Variants in CTNNA3 observed in about 807,000 individuals in gnomAD.
The protein encoded by CTNNA3 is catenin alpha 3, also known as catenin alpha-3.
Under a neutral mutation model 95.7 loss-of-function variants are expected in CTNNA3, and 76 were observed. The ratio of observed to expected loss-of-function variants is 0.79; its 90% CI spans 0.66 to 0.96. CTNNA3 has a LOEUF of 0.96. Among genes scored for constraint, CTNNA3 ranks in the 40% least tolerant of loss-of-function variants. The pLI is 0.00. For missense variants in CTNNA3, 1,191 were observed against 1,089.8 expected (o/e 1.09, Z -1.31); for synonymous variants, 431 against 374.4 (o/e 1.15, Z -1.74).
chr10:67,189,033 C>T (rs184948121), intron 6 of CTNNA3, among the ~76,000 whole-genome samples: 10 of 152,076 alleles, frequency 6.6e-5, no homozygotes, highest in South Asian at 6.2e-4. Flanking sequence ...GGGAGAATTG[C>T]TTGAGCCCAA....
At chr10:66,517,640 C>T (rs1265979898) in intron 11 of CTNNA3, among the ~76,000 whole-genome samples, 2 of 152,106 alleles carry the variant, frequency 1.3e-5, no homozygotes, top group Non-Finnish European at 2.9e-5. Context: ...TAAAAATGGG[C>T]AACCAGCAGT....
chr10:66,641,205 G>C (rs1248230009), intron 9 of CTNNA3, among the ~76,000 whole-genome samples: 1 of 152,072 alleles, frequency 6.6e-6, no homozygotes, highest in Non-Finnish European at 1.5e-5. Flanking sequence ...GTTGAGAAAT[G>C]CTTTTTATGC....
intron 9 of CTNNA3, among the ~76,000 whole-genome samples, chr10:66,651,349 G>A (rs1303971167): frequency 1.3e-5 from 2 of 152,178 alleles, no homozygotes; most frequent in African/African-American, 4.8e-5. Flanking sequence ...CCTCCAGCTA[G>A]ACAAAAAAGT....
intron 3 of CTNNA3, among the ~76,000 whole-genome samples, chr10:67,601,997 A>G (rs1370266555): frequency 6.6e-6 from 1 of 152,212 alleles, no homozygotes; most frequent in African/African-American, 2.4e-5. Context: ...TCTTGTAGTA[A>G]GGCTACATAA....
chr10:67,744,649 A>C (rs1841363955), intron 1 of CTNNA3, among the ~76,000 whole-genome samples: 1 of 151,118 alleles, frequency 6.6e-6, no homozygotes, highest in Non-Finnish European at 1.5e-5. Flanking sequence ...CAAAATTGAC[A>C]AATGGGATCT....
chr10:67,236,168 C>A (rs902594846), intron 5 of CTNNA3, among the ~76,000 whole-genome samples: 3 of 148,820 alleles, frequency 2.0e-5, no homozygotes, highest in Admixed American at 1.3e-4. Context: ...TGGGTATATA[C>A]CCAAAGGACT....
intron 7 of CTNNA3, among the ~76,000 whole-genome samples, chr10:66,858,830 C>T (rs7089043): frequency 0.4 from 59,950 of 151,348 alleles, 12,622 homozygotes; most frequent in Non-Finnish European, 0.47. Context: ...TTTCGAGTAA[C>T]AAACTCCTGG....
intron 15 of CTNNA3, among the ~76,000 whole-genome samples, chr10:66,035,375 T>TC (rs2079538635): frequency 6.6e-6 from 1 of 152,018 alleles, no homozygotes; most frequent in East Asian, 1.9e-4. Flanking sequence ...GCCTAAGAAT[T>TC]TAGAATAACC....
At chr10:66,210,522 A>G (rs2088076414) in intron 13 of CTNNA3, among the ~76,000 whole-genome samples, 1 of 152,096 alleles carries the variant, frequency 6.6e-6, no homozygotes, top group South Asian at 2.1e-4. Flanking sequence ...AGCAAGGCTT[A>G]TTTCATAATT....
At chr10:66,612,327 A>G (rs1844356893) in intron 10 of CTNNA3, among the ~76,000 whole-genome samples, 1 of 152,044 alleles carries the variant, frequency 6.6e-6, no homozygotes, top group Non-Finnish European at 1.5e-5. Flanking sequence ...TTTCAAATCA[A>G]TCTTCCGAAA....
Position 67,071,831 on chromosome 10 carries a change from C to T in CTNNA3, c.1047+108486G>A, listed in dbSNP as rs192103693. ...TCTTTCTATGCTTTGAGTATTTTTT[C>T]AGTTCACTAAACTTGTATTATACTG... On this transcript the variant is annotated intron_variant, in intron 7 of 17. Transcript: ENST00000433211. Among the ~76,000 whole-genome samples, 582 of 152,182 alleles carry T rather than the reference C, an allele frequency of 3.8e-3. 5 individuals carry two copies. Among genetic ancestry groups the T allele is most frequent in the African/African-American group, 0.013 (558 of 41,534 alleles).
chr10:66,878,141 A>AT (rs1844697454), intron 7 of CTNNA3, among the ~76,000 whole-genome samples: 1 of 152,038 alleles, frequency 6.6e-6, no homozygotes, highest in Non-Finnish European at 1.5e-5. Flanking sequence ...TTGTCCCTTC[A>AT]TTTTTTTCCA....
At chr10:66,417,813 C>G (rs2093159217) in intron 11 of CTNNA3, among the ~76,000 whole-genome samples, 1 of 151,618 alleles carries the variant, frequency 6.6e-6, no homozygotes, top group African/African-American at 2.4e-5. Flanking sequence ...AATTTTGAAA[C>G]TAATGAAAAT....
chr10:66,210,379 T>A (rs2088065102), intron 13 of CTNNA3, among the ~76,000 whole-genome samples: 1 of 151,396 alleles, frequency 6.6e-6, no homozygotes, highest in Non-Finnish European at 1.5e-5. Flanking sequence ...TGCACATCAA[T>A]TGAGTCCAGG....
intron 7 of CTNNA3, among the ~76,000 whole-genome samples, chr10:66,793,785 C>T (rs1385523751): frequency 6.6e-6 from 1 of 152,006 alleles, no homozygotes. Flanking sequence ...CTTAAATAGA[C>T]TTATGATATC....
At chr10:66,233,523 T>C (rs551075162) in intron 13 of CTNNA3, among the ~76,000 whole-genome samples, 45 of 152,278 alleles carry the variant, frequency 3.0e-4, no homozygotes, top group African/African-American at 9.1e-4. Flanking sequence ...ATAGGTACTT[T>C]ACAAAATAGA....
intron 1 of CTNNA3, among the ~76,000 whole-genome samples, chr10:67,691,410 C>T (rs1204444886): frequency 4.0e-5 from 6 of 151,032 alleles, no homozygotes; most frequent in East Asian, 2.0e-4. Context: ...AAGTGAGGAG[C>T]GTCTCTGCCT....
rs1168623848 is a variant in CTNNA3, at chr10:67,723,472, G to C, written c.-2+39962C>G. On this transcript the variant is annotated intron_variant, in intron 1 of 17. Coordinates refer to the CTNNA3 transcript ENST00000684154. Reference sequence around the variant, plus strand: ...CATCTAGCTAGTTTTTGTATTTTTAGTAGAGACTTTGGGGTTTCACCACAT... The same window carrying C: ...CATCTAGCTAGTTTTTGTATTTTTACTAGAGACTTTGGGGTTTCACCACAT... Among the ~76,000 whole-genome samples the C allele has an allele frequency of 2.0e-5, 3 of 151,892 alleles. No individual in the cohort carries two copies. In the East Asian group the frequency reaches 5.8e-4, roughly 29 times the overall value.
chr10:66,609,982 A>G (rs1844269533), intron 10 of CTNNA3, among the ~76,000 whole-genome samples: 1 of 152,176 alleles, frequency 6.6e-6, no homozygotes, highest in Non-Finnish European at 1.5e-5. Flanking sequence ...CATTATTCTT[A>G]GCAAACTAAC....
Sources: allele counts gnomAD v4.1 joint callset (sites outside exome capture counted in the v4.1 genomes callset), GRCh38; gene constraint gnomAD v4.1.1; transcripts MANE v1.5; gene names NCBI Gene and HGNC (gene_info 2026-07-23, HGNC 2026-07-21).